The following KDM2A variants were observed in gnomAD, a reference collection of about 807,000 sequenced individuals.
KDM2A encodes the protein lysine-specific demethylase 2A.
KDM2A carries 3 observed loss-of-function variants against 137.3 expected under a neutral mutation model. The ratio of observed to expected loss-of-function variants is 0.02; its 90% CI spans 0.01 to 0.06. The LOEUF is 0.06. Ranked by LOEUF, KDM2A falls within the 10% of genes least tolerant of loss-of-function variation. KDM2A has a pLI of 1.00. For missense variants in KDM2A, 738 were observed against 1,510.6 expected (o/e 0.49, Z 8.48); for synonymous variants, 512 against 541.5 (o/e 0.95, Z 0.76).
chr11:67,125,111 TC>T (rs1855689740), intron 2 of KDM2A, among the ~76,000 whole-genome samples: 1 of 151,914 alleles, frequency 6.6e-6, no homozygotes. Context: ...TCCGCCTGCC[TC>T]GGCCTCCCAA....
At chr11:67,122,615 G>A (rs768416905) in intron 2 of KDM2A, among the ~76,000 whole-genome samples, 28 of 149,858 alleles carry the variant, frequency 1.9e-4, no homozygotes, top group Middle Eastern at 3.7e-3. Context: ...GAGCCACCGC[G>A]CCTGGCCATG....
At chr11:67,215,977 G>A in intron 8 of KDM2A, 28 bp downstream of exon 8, 8 of 1,570,910 alleles carry the variant, frequency 5.1e-6, no homozygotes, top group Non-Finnish European at 7.0e-6. Context: ...ATAGGGGTTG[G>A]AATCTGAAGT....
rs139186505 is a variant in KDM2A at position 67,199,402 on chromosome 11, A to G, written c.308-8108A>G. Among the ~76,000 whole-genome samples the G allele has an allele frequency of 2.0e-3, 310 of 152,360 alleles. 3 individuals carry two copies. The highest frequency in any genetic ancestry group is 7.2e-3 in the African/African-American group (300 of 41,590). On this transcript the variant is annotated intron_variant, in intron 5 of 20. Transcript: ENST00000529006. ...CCAAGATAGGCCTTTTACATCAAAT[A>G]GTTAACCAAGATGTGAATGCAAAGG...
At chr11:67,243,376 T>A (rs1281510582) in intron 13 of KDM2A, 1 of 250,726 alleles carries the variant, frequency 4.0e-6, no homozygotes. Context: ...TGTGACCAGT[T>A]ACTCAGCTAT....
intron 2 of KDM2A, among the ~76,000 whole-genome samples, chr11:67,159,480 G>A (rs1856590097): frequency 6.6e-6 from 1 of 152,174 alleles, no homozygotes; most frequent in African/African-American, 2.4e-5. Flanking sequence ...ATTTTGGCAA[G>A]AATGTTTCCC....
chr11:67,130,915 C>G (rs957347858), intron 2 of KDM2A, among the ~76,000 whole-genome samples: 1 of 150,162 alleles, frequency 6.7e-6, no homozygotes, highest in Non-Finnish European at 1.5e-5. Flanking sequence ...GGGGCCATGA[C>G]TTGCCCAAGA....
chr11:67,209,225 A>G (rs1857904111), intron 6 of KDM2A, among the ~76,000 whole-genome samples: 1 of 151,800 alleles, frequency 6.6e-6, no homozygotes, highest in Admixed American at 6.6e-5. Flanking sequence ...GAGCCACCAC[A>G]CCGGGCCGAA....
At position 67,256,045 on chromosome 11, in the gene KDM2A, G is replaced by C. The variant is rs921478963; in HGVS notation, c.*990G>C. 1 of 169,716 alleles carries C rather than the reference G, an allele frequency of 5.9e-6. No individual in the cohort carries two copies. The highest frequency in any genetic ancestry group is 1.3e-5 in the Non-Finnish European group (1 of 78,496). 10.5% of individuals were successfully genotyped at this position (169,716 alleles called of 1,614,324 possible). ...TCCTCCAGGCCTCTGGTTTAGCGGAGCCCCCTGAGCCCAGGCCTGTGTCTA... is the reference window on the plus strand; with the variant it reads ...TCCTCCAGGCCTCTGGTTTAGCGGACCCCCCTGAGCCCAGGCCTGTGTCTA... On this transcript the variant is annotated 3_prime_UTR_variant, in exon 21 of 21. Transcript: ENST00000529006.
At chr11:67,193,068 C>T (rs901380191) in intron 5 of KDM2A, among the ~76,000 whole-genome samples, 10 of 152,192 alleles carry the variant, frequency 6.6e-5, no homozygotes, top group African/African-American at 2.4e-4. Context: ...CGGCTTACTG[C>T]AACCTCCGCC....
chr11:67,199,507 C>T (rs776898974), intron 5 of KDM2A, among the ~76,000 whole-genome samples: 1 of 152,164 alleles, frequency 6.6e-6, no homozygotes, highest in African/African-American at 2.4e-5. Context: ...TCACTGATAA[C>T]GGAGAAAGTC....
chr11:67,240,137 A>G (rs771673070), intron 12 of KDM2A: 19 of 1,410,860 alleles, frequency 1.3e-5, no homozygotes, highest in Middle Eastern at 2.6e-4. Context: ...AGGGCTCGAG[A>G]AGGAGCCCAG....
At chr11:67,170,408 C>CTTTTTTTTTTT (rs923665021) in intron 2 of KDM2A, among the ~76,000 whole-genome samples, 10 of 92,840 alleles carry the variant, frequency 1.1e-4, no homozygotes, top group African/African-American at 1.4e-4. Context: ...TTCTTTCTTT[C>CTTTTTTTTTTT]TTTTTTTTTT....
intron 2 of KDM2A, among the ~76,000 whole-genome samples, chr11:67,145,324 A>C (rs936882534): frequency 4.0e-5 from 6 of 151,492 alleles, no homozygotes; most frequent in Non-Finnish European, 7.4e-5. Context: ...GTCTACAAAA[A>C]ACACACACAC....
At chr11:67,136,818 A>G (rs1484977385) in intron 2 of KDM2A, among the ~76,000 whole-genome samples, 1 of 152,168 alleles carries the variant, frequency 6.6e-6, no homozygotes, top group East Asian at 1.9e-4. Context: ...GCTTACAGTA[A>G]TGGATAAAAC....
chr11:67,167,670 T>C (rs1856777656), intron 2 of KDM2A, among the ~76,000 whole-genome samples: 3 of 152,172 alleles, frequency 2.0e-5, no homozygotes. Flanking sequence ...TCCTGCTAAA[T>C]TCTGTAGACA....
chr11:67,166,797 C>A (rs1236362255), intron 2 of KDM2A, among the ~76,000 whole-genome samples: 3 of 152,124 alleles, frequency 2.0e-5, no homozygotes, highest in Non-Finnish European at 2.9e-5. Context: ...CTGTGCTGGG[C>A]TGAGCGTGGT....
At chr11:67,209,321 T>C (rs895671996) in intron 6 of KDM2A, among the ~76,000 whole-genome samples, 4 of 152,142 alleles carry the variant, frequency 2.6e-5, no homozygotes, top group African/African-American at 9.7e-5. Context: ...GCCTTCTTAT[T>C]AGCCTAATGT....
chr11:67,152,635 C>T, intron 2 of KDM2A, among the ~76,000 whole-genome samples: 1 of 151,842 alleles, frequency 6.6e-6, no homozygotes, highest in Non-Finnish European at 1.5e-5. Flanking sequence ...TAAAAATTGG[C>T]TACCGGAAAA....
chr11:67,138,277 T>A (rs1856014364), intron 2 of KDM2A, among the ~76,000 whole-genome samples: 2 of 152,178 alleles, frequency 1.3e-5, no homozygotes, highest in African/African-American at 4.8e-5. Flanking sequence ...TGAACAAAAA[T>A]GTGTTATGTA....
Sources: gnomAD v4.1 joint callset for allele counts (sites outside exome capture counted in the v4.1 genomes callset) on GRCh38, gnomAD v4.1.1 for gene constraint, MANE v1.5 for transcripts, NCBI Gene and HGNC (gene_info 2026-07-23, HGNC 2026-07-21) for gene names.